The following ANAPC5 variants were observed in gnomAD, a reference collection of about 807,000 sequenced individuals.
ANAPC5 encodes anaphase promoting complex subunit 5.
Under a neutral mutation model 91.3 loss-of-function variants are expected in ANAPC5, and 60 were observed. That is an observed-to-expected ratio of 0.66 (90% CI 0.53 to 0.81). ANAPC5 has a LOEUF of 0.81. Ranked by LOEUF, ANAPC5 falls within the 40% of genes least tolerant of loss-of-function variation. The pLI is 0.00. For synonymous variants in ANAPC5, 340 were observed against 364.1 expected (o/e 0.93, Z 0.75); for missense variants, 690 against 931.5 (o/e 0.74, Z 3.37).
chr12:121,337,741 G>A (rs1903301023), intron 5 of ANAPC5, among the ~76,000 whole-genome samples: 1 of 152,058 alleles, frequency 6.6e-6, no homozygotes, highest in Admixed American at 6.6e-5. Flanking sequence ...AGATGAAGGT[G>A]AGATCCTATA....
upstream of ANAPC5, among the ~76,000 whole-genome samples, chr12:121,353,407 A>G (rs1305660005): frequency 6.6e-6 from 1 of 151,658 alleles, no homozygotes; most frequent in African/African-American, 2.4e-5. Context: ...AACTTTGGCT[A>G]TCCACATGCA....
At chr12:121,327,583 A>G in intron 10 of ANAPC5, 1 of 249,830 alleles carries the variant, frequency 4.0e-6, no homozygotes. Context: ...TGCTCTGGCA[A>G]TGTAAGCAGT....
At chr12:121,330,916 GA>G in intron 8 of ANAPC5, 12 of 464,496 alleles carry the variant, frequency 2.6e-5, no homozygotes, top group East Asian at 8.0e-5. Context: ...AGGTGTTTCA[GA>G]AAAAAAGCAT....
chr12:121,317,253 CTTT>C (rs763895505), intron 15 of ANAPC5, among the ~76,000 whole-genome samples: 10 of 140,948 alleles, frequency 7.1e-5, no homozygotes, highest in Non-Finnish European at 1.4e-4. Context: ...GTGTTACATA[CTTT>C]TTTTTTTTTT....
At chr12:121,316,732 CA>C (rs35989752) in intron 15 of ANAPC5, among the ~76,000 whole-genome samples, 2,517 of 28,982 alleles carry the variant, frequency 0.087, 4 homozygotes, top group South Asian at 0.16. Flanking sequence ...GACTCTGTCT[CA>C]AAAAAAAAAA....
Position 121,339,123 on chromosome 12 carries a change from T to G in ANAPC5, c.658-1731A>C, listed in dbSNP as rs974978538. Among the ~76,000 whole-genome samples the G allele has an allele frequency of 5.3e-5, 8 of 151,276 alleles. No homozygotes were observed. In the South Asian group the frequency reaches 1.7e-3, roughly 32 times the overall value. On this transcript the variant is annotated intron_variant, in intron 5 of 16. Coordinates refer to ENST00000261819, the MANE Select transcript of ANAPC5 (RefSeq NM_016237.5). Reference sequence around the variant, plus strand: ...AGGCTGGAGTGCAGTGGCACAATCTTGGCTCACTGCAACCTCCACCTCTCA... The same window carrying G: ...AGGCTGGAGTGCAGTGGCACAATCTGGGCTCACTGCAACCTCCACCTCTCA...
intron 1 of ANAPC5, 105 bp downstream of exon 1, chr12:121,352,029 G>T: frequency 9.8e-7 from 1 of 1,022,394 alleles, no homozygotes; most frequent in Non-Finnish European, 1.4e-6. Context: ...TCCAGGCAGG[G>T]AGAGTATCTG....
intron 6 of ANAPC5, among the ~76,000 whole-genome samples, chr12:121,336,507 G>A (rs965288808): frequency 3.3e-5 from 5 of 151,712 alleles, no homozygotes; most frequent in East Asian, 2.0e-4. Context: ...GTGAAACCCC[G>A]TCTCTACTAA....
chr12:121,327,281 C>T (rs1555272387), intron 10 of ANAPC5, 50 bp from the exon 11 acceptor site: 12 of 1,601,204 alleles, frequency 7.5e-6, no homozygotes, highest in East Asian at 2.2e-5. Flanking sequence ...GACCTGGCTG[C>T]GCTTTGGCCA....
In ANAPC5 at chr12:121,313,791, G is replaced by A. The variant is rs75261496; in HGVS notation, c.1894-3928C>T. Among the ~76,000 whole-genome samples the A allele has an allele frequency of 1.2e-3, 179 of 152,318 alleles. 2 individuals are homozygous for A. In the East Asian group the frequency reaches 0.031, roughly 26 times the overall value. On this transcript the variant is annotated intron_variant, in intron 15 of 16. Transcript: ENST00000261819. ...ACAAAGAAAAGCCCAGGGCCAGACT[G>A]CTTCACTGGTGAATTTTACCAAACT...
chr12:121,317,116 G>A (rs1048519225), intron 15 of ANAPC5, among the ~76,000 whole-genome samples: 1 of 152,092 alleles, frequency 6.6e-6, no homozygotes, highest in Non-Finnish European at 1.5e-5. Flanking sequence ...TGCTTAATGG[G>A]TACAGTTTCC....
At chr12:121,310,750 A>G (rs1275111775) in intron 15 of ANAPC5, among the ~76,000 whole-genome samples, 1 of 152,028 alleles carries the variant, frequency 6.6e-6, no homozygotes, top group African/African-American at 2.4e-5. Flanking sequence ...CCTGGCCAAC[A>G]TGGTGAAACC....
intron 10 of ANAPC5, chr12:121,327,625 C>T (rs1270173904): frequency 5.5e-6 from 1 of 181,084 alleles, no homozygotes; most frequent in Non-Finnish European, 1.1e-5. Context: ...CAGAGCACAC[C>T]GTGCCAAAAA....
chr12:121,332,962 A>G (rs782810221), intron 7 of ANAPC5: 8 of 152,194 alleles, frequency 5.3e-5, no homozygotes, highest in Non-Finnish European at 1.2e-4. Flanking sequence ...AACCTGGGCA[A>G]CATAGCAAAA....
At chr12:121,353,279 C>T (rs1181093298), upstream of ANAPC5, among the ~76,000 whole-genome samples, 1 of 152,166 alleles carries the variant, frequency 6.6e-6, no homozygotes, top group Non-Finnish European at 1.5e-5. Flanking sequence ...CACAATTCCC[C>T]TTCCGTTCAT....
In ANAPC5 at chr12:121,348,991, G is replaced by A. The variant is rs561860437; in HGVS notation, c.208-1110C>T. Among the ~76,000 whole-genome samples, 6 of 152,236 alleles carry A rather than the reference G, an allele frequency of 3.9e-5. No homozygotes were observed. The East Asian group carries it at 5.8e-4, about 15-fold the overall frequency. On this transcript the variant is annotated intron_variant, in intron 1 of 16. Transcript: ENST00000261819. The stretch of plus-strand genomic sequence containing the variant: ...TTAAAAAGACCATTTGGGGCCTGGC[G>A]CAGTGGCTCACGCCTGTAATACCAG...
intron 16 of ANAPC5, among the ~76,000 whole-genome samples, chr12:121,309,364 G>A (rs1277271224): frequency 6.6e-6 from 1 of 151,340 alleles, no homozygotes; most frequent in East Asian, 1.9e-4. Flanking sequence ...CTTGAACCTG[G>A]AAGGCGGAGG....
At chr12:121,313,162 T>C (rs1026565387) in intron 15 of ANAPC5, among the ~76,000 whole-genome samples, 1 of 151,264 alleles carries the variant, frequency 6.6e-6, no homozygotes, top group African/African-American at 2.4e-5. Flanking sequence ...CCCGTCTCTA[T>C]TAAAATTACA....
chr12:121,353,923 ATCC>A (rs1186169030), upstream of ANAPC5, among the ~76,000 whole-genome samples: 1 of 151,710 alleles, frequency 6.6e-6, no homozygotes, highest in Non-Finnish European at 1.5e-5. Context: ...GGCTCAAGCA[ATCC>A]TCCCACCTCA....
Sources: gnomAD v4.1 joint callset for allele counts (sites outside exome capture counted in the v4.1 genomes callset) on GRCh38, gnomAD v4.1.1 for gene constraint, MANE v1.5 for transcripts, NCBI Gene and HGNC (gene_info 2026-07-23, HGNC 2026-07-21) for gene names.